FBXO31: variants seen among roughly 807,000 people sequenced by gnomAD.
FBXO31 encodes F-box protein 31.
In FBXO31, 24 loss-of-function variants were observed where a neutral mutation model predicts 54.4. The observed-to-expected ratio is 0.44, with a 90% CI of 0.32 to 0.62. FBXO31 has a LOEUF of 0.62. Ranked by LOEUF, FBXO31 falls within the 20% of genes least tolerant of loss-of-function variation. FBXO31 has a pLI of 0.05. For synonymous variants in FBXO31, 388 were observed against 335.6 expected (o/e 1.16, Z -1.71); for missense variants, 665 against 787.1 (o/e 0.84, Z 1.86).
upstream of FBXO31, among the ~76,000 whole-genome samples, chr16:87,387,155 G>C (rs1907351578): frequency 6.6e-6 from 1 of 151,894 alleles, no homozygotes; most frequent in East Asian, 1.9e-4. Flanking sequence ...AGAAAGAAAA[G>C]AATGACCGTG....
intron 1 of FBXO31, among the ~76,000 whole-genome samples, chr16:87,371,986 G>A (rs903177861): frequency 4.6e-5 from 7 of 152,060 alleles, no homozygotes; most frequent in African/African-American, 1.7e-4. Flanking sequence ...CACTTTAGGA[G>A]GCCGAGGTGG....
Position 87,343,687 on chromosome 16 carries a change from G to A in FBXO31, c.568C>T (p.Pro190Ser). Reference protein sequence around the residue: ...PHVDDPMRFKPLFRIHLMERK... With the variant: ...PHVDDPMRFKSLFRIHLMERK... ...TCCATCAGGTGGATCCTGAACAGAG[G>A]CTTGAATCTCATAGGGTCATCGACG... Residue 190 changes from proline to serine, a missense_variant, in exon 4 of 9, where the codon CCT (proline) becomes TCT (serine). Pro to Ser is a moderately conservative substitution (Grantham distance 74). This residue lies in a region of FBXO31 where 234 missense variants were observed against 346.8 expected (regional missense o/e 0.67). Transcript: ENST00000311635. 1 of 1,614,282 alleles carries A rather than the reference G, an allele frequency of 6.2e-7. No homozygotes were observed. Among genetic ancestry groups the A allele is most frequent in the South Asian group, 1.1e-5 (1 of 91,092 alleles).
At chr16:87,353,547 C>T (rs188013076) in intron 2 of FBXO31, among the ~76,000 whole-genome samples, 157 of 152,328 alleles carry the variant, frequency 1.0e-3, no homozygotes, top group African/African-American at 3.3e-3. Context: ...GAGGGGGCCA[C>T]GTGGGGACAG....
intron 1 of FBXO31, among the ~76,000 whole-genome samples, chr16:87,381,914 C>T (rs903645869): frequency 6.6e-6 from 1 of 151,984 alleles, no homozygotes; most frequent in South Asian, 2.1e-4. Context: ...GTCCCAGCTA[C>T]TTGGAGGCTG....
At chr16:87,350,265 C>A (rs1905593794) in intron 2 of FBXO31, among the ~76,000 whole-genome samples, 1 of 152,158 alleles carries the variant, frequency 6.6e-6, no homozygotes, top group Non-Finnish European at 1.5e-5. Context: ...ATCTAAGGCA[C>A]AGGGAGTAAG....
intron 1 of FBXO31, among the ~76,000 whole-genome samples, chr16:87,377,086 C>A (rs894701571): frequency 6.6e-6 from 1 of 152,200 alleles, no homozygotes; most frequent in East Asian, 1.9e-4. Flanking sequence ...TTACCACGTT[C>A]GTAACTTTGG....
At chr16:87,343,142 G>C (rs1195707014) in intron 4 of FBXO31, among the ~76,000 whole-genome samples, 191 bp from the exon 5 acceptor site, 2 of 152,236 alleles carry the variant, frequency 1.3e-5, no homozygotes, top group Non-Finnish European at 2.9e-5. Flanking sequence ...TCCCCCAAGA[G>C]CAGGAGGCAG....
At chr16:87,332,340 A>G (rs1904887438) in intron 8 of FBXO31, among the ~76,000 whole-genome samples, 1 of 152,146 alleles carries the variant, frequency 6.6e-6, no homozygotes, top group Non-Finnish European at 1.5e-5. Context: ...CCCCATATTC[A>G]GCACGTCAGG....
At chr16:87,383,862 C>CCCGCCCCTACGTAGAGCT (rs1478377417), upstream of FBXO31, 1 of 754,810 alleles carries the variant, frequency 1.3e-6, no homozygotes, top group Non-Finnish European at 1.7e-6. The surrounding 1 kb of genome is among the most constrained non-coding windows in gnomAD (Gnocchi z 4.9). Context: ...AGAGCCTAGC[C>CCCGCCCCTACGTAGAGCT]CCGCCCCTAC....
chr16:87,391,778 A>C (rs1907564471), upstream of FBXO31: 2 of 152,216 alleles, frequency 1.3e-5, no homozygotes, highest in South Asian at 4.1e-4. Context: ...GCGCCCCTGC[A>C]CGCAGAGGGG....
At chr16:87,371,135 C>G (rs1352362301) in intron 1 of FBXO31, among the ~76,000 whole-genome samples, 1 of 152,204 alleles carries the variant, frequency 6.6e-6, no homozygotes, top group East Asian at 1.9e-4. Context: ...AAAACAAAGC[C>G]TGGGCGCAGC....
At chr16:87,339,992 C>T (rs1333230818) in intron 5 of FBXO31, among the ~76,000 whole-genome samples, 2 of 152,218 alleles carry the variant, frequency 1.3e-5, no homozygotes, top group African/African-American at 2.4e-5. Context: ...GATAAAACTA[C>T]AAGAATTCGG....
chr16:87,366,066 G>A (rs913973290), intron 1 of FBXO31, among the ~76,000 whole-genome samples: 3 of 152,014 alleles, frequency 2.0e-5, no homozygotes, highest in Admixed American at 6.6e-5. Context: ...ATCGGTCAAC[G>A]TCACCAAAAC....
At chr16:87,375,124 G>A (rs991184124) in intron 1 of FBXO31, among the ~76,000 whole-genome samples, 6 of 152,160 alleles carry the variant, frequency 3.9e-5, no homozygotes, top group Non-Finnish European at 7.3e-5. Flanking sequence ...CAAGAACACG[G>A]TTAAACCCCA....
intron 5 of FBXO31, among the ~76,000 whole-genome samples, chr16:87,340,546 C>T (rs1043620921): frequency 2.6e-5 from 4 of 152,188 alleles, no homozygotes; most frequent in African/African-American, 7.2e-5. Flanking sequence ...GACACAGACA[C>T]AAGAGAAAAA....
chr16:87,333,094 G>C (rs76894929), intron 8 of FBXO31, among the ~76,000 whole-genome samples: 3 of 152,368 alleles, frequency 2.0e-5, no homozygotes, highest in Admixed American at 1.3e-4. Flanking sequence ...AAAGGGTAAG[G>C]ACACGGGGCA....
chr16:87,377,793 C>T (rs1453590644), intron 1 of FBXO31, among the ~76,000 whole-genome samples: 5 of 151,224 alleles, frequency 3.3e-5, no homozygotes, highest in African/African-American at 9.7e-5. Context: ...TGCACCACTA[C>T]ACTCTAGCCT....
intron 2 of FBXO31, among the ~76,000 whole-genome samples, chr16:87,348,508 A>G (rs556897557): frequency 2.4e-4 from 36 of 152,302 alleles, no homozygotes; most frequent in Admixed American, 2.2e-3. Context: ...GTAGCAGCTG[A>G]TCTGGGGCAT....
chr16:87,372,021 C>G (rs899778966), intron 1 of FBXO31, among the ~76,000 whole-genome samples: 1 of 151,898 alleles, frequency 6.6e-6, no homozygotes, highest in Non-Finnish European at 1.5e-5. Context: ...CTCAGGAGTT[C>G]GAGACCAGTC....
Sources: allele counts gnomAD v4.1 joint callset (sites outside exome capture counted in the v4.1 genomes callset), GRCh38; gene constraint gnomAD v4.1.1; regional missense constraint gnomAD v4.1.1; non-coding constraint Gnocchi (gnomAD v3.1); transcripts MANE v1.5; gene names NCBI Gene and HGNC (gene_info 2026-07-23, HGNC 2026-07-21).